Variants in RIMBP2 observed in about 807,000 individuals in gnomAD.
The protein encoded by RIMBP2 is RIMS-binding protein 2.
Under a neutral mutation model 118.6 loss-of-function variants are expected in RIMBP2, and 48 were observed. The observed-to-expected ratio is 0.40, with a 90% CI of 0.32 to 0.51. The LOEUF (loss-of-function observed/expected upper bound fraction) is 0.51, where lower values mean the gene tolerates loss of function less well. RIMBP2 is among the 20% of genes least tolerant of loss of function. RIMBP2 has a pLI of 0.41. For missense variants in RIMBP2, 1,551 were observed against 1,768.3 expected, an observed-to-expected ratio of 0.88 and a Z score of 2.20; for synonymous variants, 762 against 742.9, an observed-to-expected ratio of 1.03 and a Z score of -0.42.
rs1566192029 is a variant in RIMBP2 at position 130,523,211 on chromosome 12, GT to G, written c.-216-5295del. Among the ~76,000 whole-genome samples the G allele has an allele frequency of 6.6e-6, 1 of 151,958 alleles. No homozygotes were observed. The highest frequency in any genetic ancestry group is 1.9e-4 in the East Asian group (1 of 5,184). On this transcript the variant is annotated intron_variant, in intron 2 of 22. Coordinates refer to ENST00000690449, the MANE Select transcript of RIMBP2 (RefSeq NM_001393629.1). This position sits in a 1 kb window ranked among gnomAD's most constrained non-coding sequence, Gnocchi z 4.4. ...TCTCTATTTCTCTGTGTTGGGGGGG[GT>G]TTCTCTGCCTCCATCTCTCTCTGTC...
At chr12:130,480,356 G>A (rs1438144412) in intron 4 of RIMBP2, among the ~76,000 whole-genome samples, 1 of 152,158 alleles carries the variant, frequency 6.6e-6, no homozygotes, top group African/African-American at 2.4e-5. Flanking sequence ...AGAAGGGAGT[G>A]GGAGCTGCCC....
intron 1 of RIMBP2, among the ~76,000 whole-genome samples, chr12:130,699,904 TAAAAA>T (rs33963621): frequency 1.6e-4 from 14 of 85,670 alleles, no homozygotes; most frequent in African/African-American, 5.0e-4. Flanking sequence ...GACTCTGTCT[TAAAAA>T]AAAAAAAAAA....
intron 1 of RIMBP2, among the ~76,000 whole-genome samples, chr12:130,684,483 G>A (rs376400064): frequency 1.4e-4 from 22 of 152,278 alleles, no homozygotes; most frequent in African/African-American, 5.3e-4. Context: ...AAACCATAGC[G>A]ACTCCATCTT....
intron 1 of RIMBP2, among the ~76,000 whole-genome samples, chr12:130,648,057 A>G (rs1475062113): frequency 2.3e-5 from 3 of 128,916 alleles, no homozygotes; most frequent in Non-Finnish European, 3.8e-5. Flanking sequence ...CACGTGGTAC[A>G]GAAAGCCAAA....
chr12:130,531,207 C>T (rs1476895410), intron 2 of RIMBP2, among the ~76,000 whole-genome samples: 1 of 152,174 alleles, frequency 6.6e-6, no homozygotes, highest in African/African-American at 2.4e-5. Context: ...GTAAAACATA[C>T]ATGAAATGCA....
At position 130,649,438 on chromosome 12, in the gene RIMBP2, C is replaced by T. The variant is rs577522860; in HGVS notation, c.-351-20982G>A. On this transcript the variant is annotated intron_variant, in intron 1 of 22. Coordinates refer to ENST00000690449, the MANE Select transcript of RIMBP2 (RefSeq NM_001393629.1). ...TACTGGGAAGGGCGGCGCCTTCCCC[C>T]GACTCAGGGCTCCACTCTCCCATTG... Among the ~76,000 whole-genome samples the T allele has an allele frequency of 1.6e-4, 24 of 152,302 alleles. 1 individual carries two copies. The highest frequency in any genetic ancestry group is 1.4e-3 in the Admixed American group (21 of 15,304).
chr12:130,485,407 G>A (rs1247741095), intron 4 of RIMBP2, among the ~76,000 whole-genome samples: 2 of 152,226 alleles, frequency 1.3e-5, no homozygotes, highest in East Asian at 3.8e-4. Context: ...CAGCCAGTCT[G>A]CTCCCGGCCA....
In RIMBP2 at chr12:130,523,929, A is replaced by T. The variant is rs1331597867; in HGVS notation, c.-216-6012T>A. ...CCCAGCACAAATACATAACAAAGGCATGTAAGGGCACAGCAAGGTCTCTGG... is the reference window on the plus strand; with the variant it reads ...CCCAGCACAAATACATAACAAAGGCTTGTAAGGGCACAGCAAGGTCTCTGG... On this transcript the variant is annotated intron_variant, in intron 2 of 22. Coordinates refer to ENST00000690449, the MANE Select transcript of RIMBP2 (RefSeq NM_001393629.1). This position sits in a 1 kb window ranked among gnomAD's most constrained non-coding sequence, Gnocchi z 4.4. Among the ~76,000 whole-genome samples, 1 of 152,166 alleles carries T rather than the reference A, an allele frequency of 6.6e-6. No individual in the cohort carries two copies. The highest frequency in any genetic ancestry group is 1.5e-5 in the Non-Finnish European group (1 of 68,032).
At chr12:130,504,207 T>C (rs12313348) in intron 4 of RIMBP2, among the ~76,000 whole-genome samples, 34,041 of 152,118 alleles carry the variant, frequency 0.22, 4,151 homozygotes, top group Non-Finnish European at 0.26. Context: ...GTGGGTGTGA[T>C]TTGGTGGCCC....
chr12:130,409,324 A>G (rs972098054), intron 19 of RIMBP2, among the ~76,000 whole-genome samples: 61 of 149,890 alleles, frequency 4.1e-4, no homozygotes, highest in African/African-American at 1.3e-3. Flanking sequence ...GACTCATACA[A>G]AATGTAGCTT....
At chr12:130,467,790 G>A (rs1342891992) in intron 6 of RIMBP2, among the ~76,000 whole-genome samples, 1 of 152,138 alleles carries the variant, frequency 6.6e-6, no homozygotes, top group Non-Finnish European at 1.5e-5. Context: ...TCTCTAAAAT[G>A]TATAAAAGCA....
rs1428691187 is a variant in RIMBP2, at chr12:130,581,061, G to A, written c.-217+47261C>T. ...CACTGTGCACTGAGGCAGGGGCCTCGTGGCCGCACCCTCATCCTGCCCTTC... is the reference window on the plus strand; with the variant it reads ...CACTGTGCACTGAGGCAGGGGCCTCATGGCCGCACCCTCATCCTGCCCTTC... On this transcript the variant is annotated intron_variant, in intron 2 of 22. Coordinates refer to ENST00000690449, the MANE Select transcript of RIMBP2 (RefSeq NM_001393629.1). The surrounding 1 kb of genome is among the most constrained non-coding windows in gnomAD (Gnocchi z 4.4). Among the ~76,000 whole-genome samples, 3 of 152,272 alleles carry A rather than the reference G, an allele frequency of 2.0e-5. No individual in the cohort carries two copies. Among genetic ancestry groups the A allele is most frequent in the Non-Finnish European group, 2.9e-5 (2 of 68,020 alleles).
chr12:130,582,060 C>T (rs566243761), intron 2 of RIMBP2, among the ~76,000 whole-genome samples: 4 of 152,164 alleles, frequency 2.6e-5, no homozygotes, highest in African/African-American at 7.2e-5. Context: ...TCCTCACCCA[C>T]GTAAGGTCTT....
chr12:130,452,836 G>A (rs775437969), intron 7 of RIMBP2, among the ~76,000 whole-genome samples: 49 of 152,192 alleles, frequency 3.2e-4, no homozygotes, highest in South Asian at 8.3e-4. Context: ...AGCTGATGAA[G>A]GTGATATGAA....
chr12:130,485,377 G>T (rs1199447702), intron 4 of RIMBP2, among the ~76,000 whole-genome samples: 1 of 152,216 alleles, frequency 6.6e-6, no homozygotes, highest in African/African-American at 2.4e-5. Flanking sequence ...GAACATGGCC[G>T]ATGAGAATGT....
chr12:130,667,104 AAAAAAGGAATGAGGGAGGGAAGGAAGG>A (rs2063975310), intron 1 of RIMBP2, among the ~76,000 whole-genome samples: 1 of 59,678 alleles, frequency 1.7e-5, no homozygotes, highest in Admixed American at 1.3e-4. Context: ...GGATGGGAGA[AAAAAAGGAATGAGGGAGGGAAGGAAGG>A]AGAGAGGGAG....
intron 2 of RIMBP2, among the ~76,000 whole-genome samples, chr12:130,597,432 CG>C (rs753631266): frequency 9.2e-5 from 14 of 152,088 alleles, no homozygotes; most frequent in Non-Finnish European, 1.9e-4. Context: ...TTAGTAGAGA[CG>C]GGATTTCACC....
intron 2 of RIMBP2, among the ~76,000 whole-genome samples, chr12:130,537,824 T>A (rs766799330): frequency 2.6e-5 from 4 of 152,210 alleles, no homozygotes; most frequent in Non-Finnish European, 4.4e-5. Flanking sequence ...GGAGAAGTCA[T>A]TAGAGAGGCT....
chr12:130,439,027 C>T (rs908622198), intron 11 of RIMBP2, among the ~76,000 whole-genome samples: 4 of 151,876 alleles, frequency 2.6e-5, no homozygotes, highest in East Asian at 1.9e-4. Flanking sequence ...ACCCTCTGCC[C>T]GGACCGCATA....
Sources: allele counts gnomAD v4.1 joint callset (sites outside exome capture counted in the v4.1 genomes callset), GRCh38; gene constraint gnomAD v4.1.1; non-coding constraint Gnocchi (gnomAD v3.1); transcripts MANE v1.5; gene names NCBI Gene and HGNC (gene_info 2026-07-23, HGNC 2026-07-21).